Variants in NFKBIL1 observed in about 807,000 individuals in gnomAD.
The protein encoded by NFKBIL1 is NF-kappa-B inhibitor-like protein 1.
A neutral mutation model predicts 45.4 loss-of-function variants in NFKBIL1; 30 were observed. That is an observed-to-expected ratio of 0.66 (90% CI 0.49 to 0.90). The LOEUF is 0.90. Among genes scored for constraint, NFKBIL1 ranks in the 40% least tolerant of loss-of-function variants. NFKBIL1 has a pLI of 0.00. For missense variants in NFKBIL1, 434 were observed against 513.4 expected (o/e 0.85, Z 1.49); for synonymous variants, 179 against 197.3 (o/e 0.91, Z 0.78).
intron 2 of NFKBIL1, 26 bp downstream of exon 2, chr6:31,548,465 G>C: frequency 6.8e-7 from 1 of 1,479,698 alleles, no homozygotes; most frequent in Non-Finnish European, 8.9e-7. Flanking sequence ...GGGGAACAAG[G>C]TCATAAGCAG....
intron 2 of NFKBIL1, among the ~76,000 whole-genome samples, chr6:31,552,470 G>A (rs187796499): frequency 6.6e-6 from 1 of 151,260 alleles, no homozygotes; most frequent in Admixed American, 6.6e-5. Flanking sequence ...TGTATTTTTA[G>A]TAGACACGGG....
chr6:31,556,737 A>G, intron 2 of NFKBIL1: 2 of 457,238 alleles, frequency 4.4e-6, no homozygotes, highest in South Asian at 3.1e-5. Flanking sequence ...GCCGCCGGCC[A>G]TAGTTGTTGC....
chr6:31,558,368 C>T lies in NFKBIL1; in HGVS notation c.903C>T (p.Pro301=). ...RGSLWRFGDV[P]WPCPGGGDPE... ...GCCTCTGGCGATTTGGTGATGTGCC[C>T]TGGCCCTGCCCTGGGGGAGGGGACC... Residue 301 remains proline (P), a synonymous_variant, in exon 4 of 4, where the codon CCC becomes CCT. Coordinates refer to ENST00000376148, the MANE Select transcript of NFKBIL1 (RefSeq NM_005007.4). This position sits in a 1 kb window ranked among gnomAD's most constrained non-coding sequence, Gnocchi z 7.2. 2 of 1,553,958 alleles carry T rather than the reference C, an allele frequency of 1.3e-6. No homozygotes were observed. Among genetic ancestry groups the T allele is most frequent in the South Asian group, 1.2e-5 (1 of 84,612 alleles).
In NFKBIL1 at chr6:31,558,704, C is replaced by G; in HGVS notation, c.*93C>G. On this transcript the variant is annotated 3_prime_UTR_variant, in exon 4 of 4. Transcript: ENST00000376148. This position sits in a 1 kb window ranked among gnomAD's most constrained non-coding sequence, Gnocchi z 7.2. ...AAGGATGGGGACCACAAGGAAGAGC[C>G]AGGTGCTGCTCAGCAGAGGATATGG... 8.6e-7 allele frequency: 1 copy of G among 1,162,018 alleles called. No homozygotes were observed. The highest frequency in any genetic ancestry group is 1.2e-6 in the Non-Finnish European group (1 of 835,854). 72.0% of individuals were successfully genotyped at this position (1,162,018 alleles called of 1,614,324 possible).
chr6:31,547,504 C>G, upstream of NFKBIL1: 1 of 444,826 alleles, frequency 2.2e-6, no homozygotes, highest in Non-Finnish European at 4.0e-6. Flanking sequence ...CAAGAACTAC[C>G]CGGTCGGGGC....
In NFKBIL1 at chr6:31,557,632, C is replaced by A; in HGVS notation, c.339C>A (p.Tyr113Ter). ...HAAARQGPDA[Y>*]TDFFLPLLSR... ...TCCCTGCTCTCCCACCAACAGCCTACACCGATTTCTTCCTCCCGCTGCTAA... is the reference window on the plus strand; with the variant it reads ...TCCCTGCTCTCCCACCAACAGCCTAAACCGATTTCTTCCTCCCGCTGCTAA... The change falls in exon 3 of 4, where the codon TAC (tyrosine) becomes TAA (stop). Residue 113 changes from tyrosine to a stop codon, truncating the protein, a stop_gained. Coordinates refer to ENST00000376148, the MANE Select transcript of NFKBIL1 (RefSeq NM_005007.4). LOFTEE classifies it high-confidence loss of function. This position sits in a 1 kb window ranked among gnomAD's most constrained non-coding sequence, Gnocchi z 5.4. The A allele has an allele frequency of 6.5e-7, 1 of 1,526,826 alleles. No homozygotes were observed. Among genetic ancestry groups the A allele is most frequent in the South Asian group, 1.3e-5 (1 of 76,884 alleles). 94.6% of individuals were successfully genotyped at this position (1,526,826 alleles called of 1,614,324 possible).
intron 2 of NFKBIL1, among the ~76,000 whole-genome samples, chr6:31,550,407 G>T (rs1769364511): frequency 8.1e-6 from 1 of 123,938 alleles, no homozygotes. Context: ...TCCCCCAAAT[G>T]GTCAAAAAAC....
In NFKBIL1 at chr6:31,557,805, G is replaced by A. The variant is rs745683230; in HGVS notation, c.512G>A (p.Gly171Asp). The A allele has an allele frequency of 2.5e-6, 4 of 1,609,542 alleles. No homozygotes were observed. The highest frequency in any genetic ancestry group is 2.5e-6 in the Non-Finnish European group (3 of 1,176,778). ...CGGGAATGGAGACAGAAGCTCCAGGGTGAGCTGGAGGACGAGTGGCAGGAA... is the reference window on the plus strand; with the variant it reads ...CGGGAATGGAGACAGAAGCTCCAGGATGAGCTGGAGGACGAGTGGCAGGAA... Reference protein sequence around the residue: ...KEREWRQKLQGELEDEWQEVM... With the variant: ...KEREWRQKLQDELEDEWQEVM... The change falls in exon 3 of 4, where the codon GGT becomes GAT. Residue 171 changes from glycine to aspartate, a missense_variant. Physicochemically the swap from Gly to Asp is moderately conservative, Grantham distance 94 (BLOSUM62 -1). Coordinates refer to ENST00000376148, the MANE Select transcript of NFKBIL1 (RefSeq NM_005007.4). The surrounding 1 kb of genome is among the most constrained non-coding windows in gnomAD (Gnocchi z 5.4).
At position 31,550,965 on chromosome 6, in the gene NFKBIL1, C is replaced by T. The variant is rs186478107; in HGVS notation, c.334+2526C>T. On this transcript the variant is annotated intron_variant, in intron 2 of 3. Coordinates refer to ENST00000376148, the MANE Select transcript of NFKBIL1 (RefSeq NM_005007.4). ...CCTCCCAAAGTGCTGGGATTACAGG[C>T]GTGAGCCACCGCGCTCAGCCAAAAT... is the stretch of plus-strand genomic sequence containing the variant. 2.2e-3 allele frequency among the ~76,000 whole-genome samples: 333 copies of T among 152,322 alleles called. 1 individual carries two copies. The highest frequency in any genetic ancestry group is 2.2e-3 in the Non-Finnish European group (148 of 68,018).
chr6:31,551,416 C>A (rs1377665521), intron 2 of NFKBIL1, among the ~76,000 whole-genome samples: 1 of 152,220 alleles, frequency 6.6e-6, no homozygotes, highest in African/African-American at 2.4e-5. Context: ...GGGAACTTGT[C>A]TGAAATCTCA....
At chr6:31,553,812 G>A (rs538102468) in intron 2 of NFKBIL1, among the ~76,000 whole-genome samples, 5 of 152,152 alleles carry the variant, frequency 3.3e-5, no homozygotes, top group Admixed American at 1.3e-4. Context: ...ACAGGCATCC[G>A]CCACCACGTC....
At chr6:31,548,567 G>T in intron 2 of NFKBIL1, 128 bp downstream of exon 2, 2 of 1,025,950 alleles carry the variant, frequency 1.9e-6, no homozygotes, top group Non-Finnish European at 2.6e-6. Flanking sequence ...AACCAAGTTG[G>T]CATGTGGCTG....
In NFKBIL1 at chr6:31,557,936, C is replaced by T; in HGVS notation, c.557-86C>T. The T allele has an allele frequency of 6.0e-6, 9 of 1,495,658 alleles. No individual in the cohort carries two copies. 92.6% of individuals were successfully genotyped at this position (1,495,658 alleles called of 1,614,324 possible). On this transcript the variant is annotated intron_variant, in intron 3 of 3. Transcript: ENST00000376148. The surrounding 1 kb of genome is among the most constrained non-coding windows in gnomAD (Gnocchi z 5.4). ...ATGCGTCACACTAGGCTCCTCTGCC[C>T]CCTCCTCTGTGCTTCCCTGCTTCTT...
rs1192262074 is a variant in NFKBIL1 at position 31,557,586 on chromosome 6, G to C, written c.335-42G>C. On this transcript the variant is annotated intron_variant, in intron 2 of 3. Transcript: ENST00000376148. This position sits in a 1 kb window ranked among gnomAD's most constrained non-coding sequence, Gnocchi z 5.4. ...AAGATGGCAGCTCTGCCGAGGAGTG[G>C]GAGTCCCAGCTAACTTCTGCTCCCT... 2 of 1,441,042 alleles carry C rather than the reference G, an allele frequency of 1.4e-6. No homozygotes were observed. The highest frequency in any genetic ancestry group is 1.9e-6 in the Non-Finnish European group (2 of 1,080,276). The allele number at this position is 1,441,042 out of a possible 1,614,324, so 89.3% of individuals were successfully genotyped here.
Position 31,557,612 on chromosome 6 carries a change from G to GCTCTCCCACCAAA in NFKBIL1, c.335-4_335-3insACTCTCCCACCAA. The GCTCTCCCACCAAA allele has an allele frequency of 6.7e-7, 1 of 1,490,048 alleles. No individual in the cohort carries two copies. Among genetic ancestry groups the GCTCTCCCACCAAA allele is most frequent in the Non-Finnish European group, 9.0e-7 (1 of 1,117,006 alleles). The allele number at this position is 1,490,048 out of a possible 1,614,324, so 92.3% of individuals were successfully genotyped here. ...GAGTCCCAGCTAACTTCTGCTCCCT[G>GCTCTCCCACCAAA]CTCTCCCACCAACAGCCTACACCGA... On this transcript the variant is annotated splice_polypyrimidine_tract_variant and intron_variant, in intron 2 of 3. Transcript: ENST00000376148. The surrounding 1 kb of genome is among the most constrained non-coding windows in gnomAD (Gnocchi z 5.4).
intron 2 of NFKBIL1, among the ~76,000 whole-genome samples, chr6:31,551,484 G>C (rs1314713432): frequency 1.3e-5 from 2 of 152,202 alleles, no homozygotes; most frequent in Non-Finnish European, 2.9e-5. Context: ...TTCACTCCCA[G>C]ACCCTGGTGT....
At chr6:31,548,122 C>G in intron 1 of NFKBIL1, 41 bp from the exon 2 acceptor site, 1 of 1,612,450 alleles carries the variant, frequency 6.2e-7, no homozygotes, top group African/African-American at 1.3e-5. Context: ...AAGGACCAGC[C>G]AAGGCTGAAG....
intron 2 of NFKBIL1, among the ~76,000 whole-genome samples, chr6:31,549,415 C>A (rs1268026324): frequency 6.6e-6 from 1 of 150,888 alleles, no homozygotes; most frequent in East Asian, 1.9e-4. Context: ...CCACGCCCAG[C>A]TAATTTTTAT....
At chr6:31,547,581 A>G, upstream of NFKBIL1, 1 of 620,090 alleles carries the variant, frequency 1.6e-6, no homozygotes, top group South Asian at 2.3e-5. Context: ...TGCTTGCGCC[A>G]TTTCCTCCAG....
Sources: gnomAD v4.1 joint callset for allele counts (sites outside exome capture counted in the v4.1 genomes callset) on GRCh38, gnomAD v4.1.1 for gene constraint, Gnocchi (gnomAD v3.1) non-coding constraint, MANE v1.5 for transcripts, NCBI Gene and HGNC (gene_info 2026-07-23, HGNC 2026-07-21) for gene names.